Variants in MALRD1 observed in about 807,000 individuals in gnomAD.
The protein encoded by MALRD1 is MAM and LDL-receptor class A domain-containing protein 1.
Under a neutral mutation model 242.1 loss-of-function variants are expected in MALRD1, and 247 were observed. That is an observed-to-expected ratio of 1.02 (90% CI 0.92 to 1.13). The LOEUF is 1.13. MALRD1 is among the 50% of genes most tolerant of loss of function. The pLI, the probability that MALRD1 is intolerant of heterozygous loss-of-function variation, is 0.00. For missense variants in MALRD1, 2,989 were observed against 2,533.1 expected (o/e 1.18, Z -3.86); for synonymous variants, 995 against 866.6 (o/e 1.15, Z -2.60).
At chr10:19,082,178 T>A (rs945839000) in intron 2 of MALRD1, among the ~76,000 whole-genome samples, 1 of 151,702 alleles carries the variant, frequency 6.6e-6, no homozygotes, top group Non-Finnish European at 1.5e-5. Flanking sequence ...TACTATATAT[T>A]TTTGAATTAT....
chr10:19,662,062 A>T (rs182594576), intron 36 of MALRD1, among the ~76,000 whole-genome samples: 6 of 152,260 alleles, frequency 3.9e-5, no homozygotes, highest in Admixed American at 2.0e-4. Context: ...AACAAGTAGC[A>T]TCTGTTAATG....
At chr10:19,730,624 G>T in intron 38 of MALRD1, 82 bp from the exon 39 acceptor site, 3 of 1,356,902 alleles carry the variant, frequency 2.2e-6, no homozygotes, top group Non-Finnish European at 3.0e-6. Flanking sequence ...TCTCTCAAAA[G>T]TTTCTAACAA....
intron 18 of MALRD1, among the ~76,000 whole-genome samples, chr10:19,229,809 G>A (rs184115099): frequency 4.9e-4 from 74 of 152,224 alleles, no homozygotes; most frequent in African/African-American, 1.7e-3. Flanking sequence ...GTTTTTTGAT[G>A]TATTCTCTAG....
intron 26 of MALRD1, among the ~76,000 whole-genome samples, chr10:19,362,241 G>A (rs1048472752): frequency 1.4e-4 from 22 of 151,926 alleles, no homozygotes; most frequent in African/African-American, 4.8e-4. Context: ...TTCTTATACC[G>A]CTCACTCTGC....
intron 33 of MALRD1, among the ~76,000 whole-genome samples, chr10:19,590,121 T>G (rs1372655059): frequency 6.6e-6 from 1 of 152,106 alleles, no homozygotes; most frequent in African/African-American, 2.4e-5. Flanking sequence ...CAAAATGTTA[T>G]GCATTTACTT....
chr10:19,400,217 A>G (rs1396088934), intron 28 of MALRD1, among the ~76,000 whole-genome samples: 1 of 152,182 alleles, frequency 6.6e-6, no homozygotes, highest in Non-Finnish European at 1.5e-5. Context: ...AGAGCTTCTC[A>G]TTAGAAAGTG....
At chr10:19,561,670 C>T (rs769331021) in intron 32 of MALRD1, among the ~76,000 whole-genome samples, 9 of 151,382 alleles carry the variant, frequency 5.9e-5, no homozygotes, top group Admixed American at 6.6e-5. Context: ...AGTCTTTTAG[C>T]GAGACTGTGC....
At chr10:19,659,875 A>C (rs1589370141) in intron 36 of MALRD1, among the ~76,000 whole-genome samples, 2 of 152,014 alleles carry the variant, frequency 1.3e-5, no homozygotes, top group African/African-American at 4.8e-5. Context: ...TATCCATGCT[A>C]TTTTGTCCCC....
At chr10:19,566,548 T>C (rs1836265662) in intron 32 of MALRD1, among the ~76,000 whole-genome samples, 1 of 151,572 alleles carries the variant, frequency 6.6e-6, no homozygotes, top group African/African-American at 2.4e-5. Flanking sequence ...ACTATTGCAA[T>C]AGAAGAAAAT....
intron 5 of MALRD1, among the ~76,000 whole-genome samples, chr10:19,109,424 C>A (rs1326504922): frequency 1.3e-5 from 2 of 152,190 alleles, no homozygotes; most frequent in African/African-American, 2.4e-5. Context: ...ACTGCTCTAT[C>A]TCCGGGTCAG....
intron 29 of MALRD1, among the ~76,000 whole-genome samples, chr10:19,475,919 G>T (rs1221211624): frequency 6.6e-6 from 1 of 152,168 alleles, no homozygotes; most frequent in Non-Finnish European, 1.5e-5. Context: ...GTTTGGGAAA[G>T]TTATATTTCC....
chr10:19,244,831 T>C (rs1260748338), intron 18 of MALRD1, among the ~76,000 whole-genome samples: 2 of 152,204 alleles, frequency 1.3e-5, no homozygotes, highest in Non-Finnish European at 2.9e-5. Flanking sequence ...GTATTTGGTC[T>C]CTTTATCATA....
chr10:19,301,703 G>C (rs1400664042), intron 21 of MALRD1, among the ~76,000 whole-genome samples: 2 of 151,684 alleles, frequency 1.3e-5, no homozygotes, highest in African/African-American at 4.8e-5. Flanking sequence ...CAGTCACCGG[G>C]ACCTTCTTGA....
chr10:19,685,473 A>G (rs140056534), intron 36 of MALRD1, among the ~76,000 whole-genome samples: 179 of 152,294 alleles, frequency 1.2e-3, no homozygotes, highest in Admixed American at 9.5e-3. Context: ...TAGAAGCATT[A>G]AAGTTTGTGT....
chr10:19,491,212 C>T (rs551045725), intron 29 of MALRD1: 36 of 592,702 alleles, frequency 6.1e-5, no homozygotes, highest in Non-Finnish European at 1.1e-4. Flanking sequence ...TGCACATACC[C>T]TTTACCAGGT....
chr10:19,714,265 A>G (rs1184150875), intron 38 of MALRD1, among the ~76,000 whole-genome samples: 1 of 152,162 alleles, frequency 6.6e-6, no homozygotes, highest in Non-Finnish European at 1.5e-5. Flanking sequence ...CGGGGGAGCC[A>G]GAAGGGAATG....
intron 31 of MALRD1, 88 bp from the exon 32 acceptor site, chr10:19,531,105 TA>T: frequency 1.8e-6 from 2 of 1,117,646 alleles, no homozygotes; most frequent in Admixed American, 2.6e-5. Context: ...TGTATAAGGA[TA>T]AAAAGATATC....
At chr10:19,589,387 T>G (rs1564464670) in intron 33 of MALRD1, among the ~76,000 whole-genome samples, 1 of 152,190 alleles carries the variant, frequency 6.6e-6, no homozygotes, top group Non-Finnish European at 1.5e-5. Flanking sequence ...TGAGAGTAAC[T>G]TTATTGCTGG....
upstream of MALRD1, among the ~76,000 whole-genome samples, chr10:19,048,587 C>T (rs1834396714): frequency 6.6e-6 from 1 of 152,150 alleles, no homozygotes; most frequent in South Asian, 2.1e-4. Flanking sequence ...GGTTGCCTCT[C>T]CCCTGCTGTT....
Sources: gnomAD v4.1 joint callset for allele counts (sites outside exome capture counted in the v4.1 genomes callset) on GRCh38, gnomAD v4.1.1 for gene constraint, MANE v1.5 for transcripts, NCBI Gene and HGNC (gene_info 2026-07-23, HGNC 2026-07-21) for gene names.